The following KCNQ3 variants were observed in gnomAD, a reference collection of about 807,000 sequenced individuals.
KCNQ3 encodes potassium voltage-gated channel subfamily Q member 3, also known as potassium voltage-gated channel subfamily KQT member 3.
KCNQ3 carries 30 observed loss-of-function variants against 92.5 expected under a neutral mutation model. That is an observed-to-expected ratio of 0.32 (90% CI 0.24 to 0.44). The LOEUF is 0.44. Ranked by LOEUF, KCNQ3 falls within the 20% of genes least tolerant of loss-of-function variation. The pLI, the probability that KCNQ3 is intolerant of heterozygous loss-of-function variation, is 1.00. For synonymous variants in KCNQ3, 450 were observed against 468.8 expected, an observed-to-expected ratio of 0.96 and a Z score of 0.52; for missense variants, 913 against 1,140.3, an observed-to-expected ratio of 0.80 and a Z score of 2.87.
chr8:132,176,961 C>G (rs1383348972), intron 4 of KCNQ3, among the ~76,000 whole-genome samples: 1 of 152,194 alleles, frequency 6.6e-6, no homozygotes, highest in South Asian at 2.1e-4. Context: ...GGCGACCCAG[C>G]CAGCCATTCT....
chr8:132,435,404 C>T (rs1277830985), intron 1 of KCNQ3, among the ~76,000 whole-genome samples: 2 of 152,144 alleles, frequency 1.3e-5, no homozygotes, highest in Non-Finnish European at 2.9e-5. Flanking sequence ...GATCTCCTTA[C>T]AGCTAAGGAA....
intron 1 of KCNQ3, among the ~76,000 whole-genome samples, chr8:132,224,903 T>C (rs1000896685): frequency 4.6e-5 from 7 of 152,192 alleles, no homozygotes; most frequent in African/African-American, 1.7e-4. Context: ...GGTCGGGTCT[T>C]GTTACTGAGT....
chr8:132,445,147 G>A (rs1199920323), intron 1 of KCNQ3, among the ~76,000 whole-genome samples: 4 of 152,192 alleles, frequency 2.6e-5, no homozygotes, highest in African/African-American at 9.7e-5. Context: ...CTGGTGTCAT[G>A]AAAAGGGGTG....
intron 9 of KCNQ3, among the ~76,000 whole-genome samples, chr8:132,150,479 G>C (rs765336533): frequency 7.9e-5 from 12 of 152,066 alleles, no homozygotes; most frequent in Admixed American, 2.0e-4. Flanking sequence ...TTGGCTGCTT[G>C]GTATGGCTAA....
chr8:132,261,666 A>G (rs930804629), intron 1 of KCNQ3, among the ~76,000 whole-genome samples: 1 of 152,184 alleles, frequency 6.6e-6, no homozygotes, highest in Non-Finnish European at 1.5e-5. Context: ...AACAGCAGAG[A>G]CAGTCTGTGA....
chr8:132,249,766 G>A (rs553121999), intron 1 of KCNQ3, among the ~76,000 whole-genome samples: 56 of 152,290 alleles, frequency 3.7e-4, no homozygotes, highest in Admixed American at 1.1e-3. Flanking sequence ...GGGGAGGCTC[G>A]GGCATGACGG....
At chr8:132,171,559 G>C (rs1346376650) in intron 7 of KCNQ3, among the ~76,000 whole-genome samples, 1 of 152,214 alleles carries the variant, frequency 6.6e-6, no homozygotes, top group Non-Finnish European at 1.5e-5. Flanking sequence ...GATGGAGATG[G>C]AAGGCTGGCA....
chr8:132,358,858 G>A (rs1046453044), intron 1 of KCNQ3, among the ~76,000 whole-genome samples: 6 of 152,140 alleles, frequency 3.9e-5, no homozygotes, highest in Non-Finnish European at 8.8e-5. Flanking sequence ...AGTACCTAAT[G>A]GCCAAGGATC....
At chr8:132,340,407 T>C (rs943246837) in intron 1 of KCNQ3, among the ~76,000 whole-genome samples, 1 of 152,230 alleles carries the variant, frequency 6.6e-6, no homozygotes, top group Non-Finnish European at 1.5e-5. Context: ...GTGGCACGTA[T>C]ACACCATGGA....
chr8:132,367,828 C>T (rs1819366332), intron 1 of KCNQ3, among the ~76,000 whole-genome samples: 1 of 152,122 alleles, frequency 6.6e-6, no homozygotes, highest in Non-Finnish European at 1.5e-5. Flanking sequence ...TGACATGGCT[C>T]CCAGGATCTC....
Position 132,265,426 on chromosome 8 carries a change from C to G in KCNQ3, c.387-79245G>C, listed in dbSNP as rs770727122. On this transcript the variant is annotated intron_variant, in intron 1 of 14. Transcript: ENST00000388996. ...ATCACTTCCAGGTTTTCCCAGCACA[C>G]TAAACCGCAAGGGAAGGAAAAACCA... Among the ~76,000 whole-genome samples the G allele has an allele frequency of 7.3e-4, 111 of 152,202 alleles. 4 individuals carry two copies. Among genetic ancestry groups the G allele is most frequent in the African/African-American group, 1.2e-4 (5 of 41,460 alleles).
intron 1 of KCNQ3, among the ~76,000 whole-genome samples, chr8:132,373,335 C>A (rs945289047): frequency 6.6e-6 from 1 of 152,110 alleles, no homozygotes; most frequent in African/African-American, 2.4e-5. Flanking sequence ...ACACCTAACA[C>A]GCAGACCCAC....
intron 1 of KCNQ3, among the ~76,000 whole-genome samples, chr8:132,293,017 A>G (rs1816903510): frequency 6.6e-6 from 1 of 152,192 alleles, no homozygotes; most frequent in Non-Finnish European, 1.5e-5. Flanking sequence ...AAGCCTCCAT[A>G]GAAAACCCAA....
intron 14 of KCNQ3, 72 bp downstream of exon 14, chr8:132,132,108 G>A (rs1038590994): frequency 2.5e-4 from 260 of 1,035,976 alleles, no homozygotes; most frequent in Non-Finnish European, 3.5e-4. Context: ...AAGAAAGAAA[G>A]AAAAAAAAGA....
chr8:132,331,641 A>C (rs1406126245), intron 1 of KCNQ3, among the ~76,000 whole-genome samples: 1 of 152,002 alleles, frequency 6.6e-6, no homozygotes, highest in Non-Finnish European at 1.5e-5. Flanking sequence ...ATATCTATTG[A>C]GCACCCACCG....
intron 1 of KCNQ3, among the ~76,000 whole-genome samples, chr8:132,388,602 A>G (rs1819962310): frequency 6.6e-6 from 1 of 152,184 alleles, no homozygotes; most frequent in Non-Finnish European, 1.5e-5. Context: ...AGATTTGTAT[A>G]TTACAAAAAG....
chr8:132,226,423 G>A lies in KCNQ3; in HGVS notation c.387-40242C>T, dbSNP rs1255609288. On this transcript the variant is annotated intron_variant, in intron 1 of 14. Transcript: ENST00000388996. ...CATGGGTGTGTGTAAGTGTGGGCGCGCATGCGTGTGTAGGGGAGTGGAGGC... is the reference window on the plus strand; with the variant it reads ...CATGGGTGTGTGTAAGTGTGGGCGCACATGCGTGTGTAGGGGAGTGGAGGC... 6.6e-5 allele frequency among the ~76,000 whole-genome samples: 10 copies of A among 152,148 alleles called. No individual in the cohort carries two copies. In the East Asian group the frequency reaches 1.2e-3, roughly 18 times the overall value.
At position 132,172,397 on chromosome 8, in the gene KCNQ3, T is replaced by TACACACAC. The variant is rs35831322; in HGVS notation, c.1140+193_1140+200dup. Among the ~76,000 whole-genome samples, 2,013 of 140,454 alleles carry TACACACAC rather than the reference T, an allele frequency of 0.014. 61 individuals are homozygous for TACACACAC. Among genetic ancestry groups the TACACACAC allele is most frequent in the African/African-American group, 0.049 (1,870 of 38,112 alleles). 92.1% of individuals were successfully genotyped at this position (140,454 alleles called of 152,430 possible). A position where few individuals can be genotyped will look rare whatever the true frequency, so the allele number is the denominator to read the frequency against. On this transcript the variant is annotated intron_variant, in intron 7 of 14. Coordinates refer to ENST00000388996, the MANE Select transcript of KCNQ3 (RefSeq NM_004519.4). ...GCCTGCTCCTGCCTGGGCACATTAA[T>TACACACAC]ACACACACACACACACACACACACA... is the stretch of plus-strand genomic sequence containing the variant.
chr8:132,306,782 A>G (rs1230812514), intron 1 of KCNQ3, among the ~76,000 whole-genome samples: 1 of 152,222 alleles, frequency 6.6e-6, no homozygotes, highest in African/African-American at 2.4e-5. Context: ...AATTATGCAA[A>G]CACACAAATC....
Sources: allele counts gnomAD v4.1 joint callset (sites outside exome capture counted in the v4.1 genomes callset), GRCh38; gene constraint gnomAD v4.1.1; transcripts MANE v1.5; gene names NCBI Gene and HGNC (gene_info 2026-07-23, HGNC 2026-07-21).